Variants in TLE1 observed in about 807,000 individuals in gnomAD.
TLE1 encodes transducin-like enhancer protein 1.
TLE1 carries 21 observed loss-of-function variants against 89.8 expected under a neutral mutation model. The ratio of observed to expected loss-of-function variants is 0.23; its 90% confidence interval spans 0.17 to 0.34. TLE1 has a LOEUF of 0.34. Among genes scored for constraint, TLE1 ranks in the 10% least tolerant of loss-of-function variants. TLE1 has a pLI of 1.00. For synonymous variants in TLE1, 447 were observed against 407.6 expected (o/e 1.10, Z -1.16); for missense variants, 795 against 1,031.2 (o/e 0.77, Z 3.14).
At chr9:81,663,815 C>T (rs1327497974) in intron 4 of TLE1, among the ~76,000 whole-genome samples, 7 of 151,692 alleles carry the variant, frequency 4.6e-5, no homozygotes, top group African/African-American at 9.7e-5. Flanking sequence ...TTAGTAGAGA[C>T]GGGGTTTCAC....
chr9:81,626,791 C>A (rs1426547880), intron 8 of TLE1, among the ~76,000 whole-genome samples: 2 of 152,170 alleles, frequency 1.3e-5, no homozygotes, highest in African/African-American at 4.8e-5. Flanking sequence ...AACCACGATG[C>A]CTTCGTCACC....
At position 81,637,030 on chromosome 9, in the gene TLE1, A is replaced by C. The variant is rs1441562234; in HGVS notation, c.373-2729T>G. ...AAAAAAAAAAAAGAAAAAAGAAAAAAAAAGATTTCCCCTCCCATAAATCCA... is the reference window on the plus strand; with the variant it reads ...AAAAAAAAAAAAGAAAAAAGAAAAACAAAGATTTCCCCTCCCATAAATCCA... On this transcript the variant is annotated intron_variant, in intron 6 of 19. Transcript: ENST00000376499. Among the ~76,000 whole-genome samples, 9 of 151,680 alleles carry C rather than the reference A, an allele frequency of 5.9e-5. 1 individual carries two copies. Among genetic ancestry groups the C allele is most frequent in the African/African-American group, 2.2e-4 (9 of 41,260 alleles).
At chr9:81,644,663 T>C (rs940914033) in intron 6 of TLE1, among the ~76,000 whole-genome samples, 29 of 152,050 alleles carry the variant, frequency 1.9e-4, no homozygotes, top group Non-Finnish European at 7.4e-5. Flanking sequence ...TACAGCAATG[T>C]GAATACGCTA....
intron 9 of TLE1, among the ~76,000 whole-genome samples, chr9:81,619,416 T>C (rs1049809064): frequency 2.0e-5 from 3 of 152,166 alleles, no homozygotes; most frequent in Non-Finnish European, 2.9e-5. Context: ...CACTGGGATG[T>C]TATAAGAGTT....
intron 9 of TLE1, among the ~76,000 whole-genome samples, chr9:81,619,963 T>C (rs2132168275): frequency 6.6e-6 from 1 of 152,318 alleles, no homozygotes; most frequent in Non-Finnish European, 1.5e-5. Context: ...CATGAGCCTA[T>C]ATTATCAGAA....
chr9:81,625,948 A>AAC, intron 8 of TLE1, among the ~76,000 whole-genome samples: 1 of 148,078 alleles, frequency 6.8e-6, no homozygotes, highest in Admixed American at 6.8e-5. Context: ...CTTTAATAAA[A>AAC]TGCTGCCCTG....
chr9:81,679,196 T>C (rs187525094), intron 4 of TLE1, among the ~76,000 whole-genome samples: 38 of 152,286 alleles, frequency 2.5e-4, no homozygotes, highest in African/African-American at 6.7e-4. Flanking sequence ...TTTTGCTAAA[T>C]CACAGGTTAT....
At chr9:81,630,796 A>C (rs1588041924) in intron 8 of TLE1, among the ~76,000 whole-genome samples, 3 of 152,328 alleles carry the variant, frequency 2.0e-5, no homozygotes, top group Admixed American at 2.0e-4. Context: ...AATAGTACAC[A>C]TCATCTCATT....
intron 4 of TLE1, among the ~76,000 whole-genome samples, chr9:81,659,898 G>T (rs1186845068): frequency 1.3e-5 from 2 of 152,052 alleles, no homozygotes; most frequent in Admixed American, 6.6e-5. Context: ...AAATATGAGA[G>T]ATCTTCCCAA....
chr9:81,660,981 T>G (rs1449889661), intron 4 of TLE1, among the ~76,000 whole-genome samples: 1 of 62,462 alleles, frequency 1.6e-5, no homozygotes, highest in Non-Finnish European at 3.8e-5. Flanking sequence ...ACACACACAT[T>G]TAGCCTGGCG....
chr9:81,644,994 C>T (rs1381981831), intron 6 of TLE1, among the ~76,000 whole-genome samples: 1 of 93,480 alleles, frequency 1.1e-5, no homozygotes, highest in African/African-American at 4.5e-5. Flanking sequence ...GAGTGAGACA[C>T]TGTCTCAAAA....
At chr9:81,592,197 A>C (rs1829633639) in intron 15 of TLE1, among the ~76,000 whole-genome samples, 1 of 152,162 alleles carries the variant, frequency 6.6e-6, no homozygotes, top group African/African-American at 2.4e-5. Flanking sequence ...TCTCTACTAA[A>C]AATACAAAAA....
chr9:81,680,224 T>A (rs1564078698), intron 4 of TLE1, among the ~76,000 whole-genome samples: 1 of 152,112 alleles, frequency 6.6e-6, no homozygotes, highest in Non-Finnish European at 1.5e-5. Context: ...CAGTCCCGAA[T>A]GGAAATCCCC....
intron 6 of TLE1, among the ~76,000 whole-genome samples, chr9:81,649,825 C>T (rs1829323309): frequency 2.0e-5 from 3 of 152,190 alleles, no homozygotes; most frequent in Non-Finnish European, 4.4e-5. Flanking sequence ...ACTGAATTGT[C>T]AACCCAATTT....
At chr9:81,665,366 G>A (rs1588175903) in intron 4 of TLE1, among the ~76,000 whole-genome samples, 1 of 152,152 alleles carries the variant, frequency 6.6e-6, no homozygotes, top group Admixed American at 6.6e-5. Flanking sequence ...ATTACTGGCA[G>A]ATAATAACTT....
intron 8 of TLE1, 52 bp from the exon 9 acceptor site, chr9:81,620,609 C>A (rs913700245): frequency 1.3e-6 from 2 of 1,579,394 alleles, no homozygotes; most frequent in African/African-American, 2.7e-5. Flanking sequence ...TCTTTGTACA[C>A]ATGAAACCCA....
At chr9:81,661,339 A>G (rs1830774579) in intron 4 of TLE1, among the ~76,000 whole-genome samples, 1 of 151,534 alleles carries the variant, frequency 6.6e-6, no homozygotes, top group Non-Finnish European at 1.5e-5. Context: ...GGAAGAGCCC[A>G]CTCCTCAGCG....
intron 4 of TLE1, among the ~76,000 whole-genome samples, chr9:81,679,246 A>T (rs1833295479): frequency 6.6e-6 from 1 of 152,224 alleles, no homozygotes; most frequent in Admixed American, 6.5e-5. Flanking sequence ...GATTTTCATT[A>T]AAAAATATTA....
intron 4 of TLE1, among the ~76,000 whole-genome samples, chr9:81,657,634 T>C (rs1032705442): frequency 8.5e-5 from 13 of 152,088 alleles, no homozygotes; most frequent in Admixed American, 3.3e-4. Flanking sequence ...GAAAGACATA[T>C]GAAAGCAAAG....
Sources: allele counts gnomAD v4.1 joint callset (sites outside exome capture counted in the v4.1 genomes callset), GRCh38; gene constraint gnomAD v4.1.1; transcripts MANE v1.5; gene names NCBI Gene and HGNC (gene_info 2026-07-23, HGNC 2026-07-21).